B3GALNT2: variants seen among roughly 807,000 people sequenced by gnomAD.
B3GALNT2 encodes UDP-GalNAc:beta-1,3-N-acetylgalactosaminyltransferase 2.
A neutral mutation model predicts 61.1 loss-of-function variants in B3GALNT2; 53 were observed. The ratio of observed to expected loss-of-function variants is 0.87; its 90% CI spans 0.70 to 1.09. B3GALNT2 has a LOEUF of 1.09. B3GALNT2 is among the 50% of genes least tolerant of loss of function. The pLI is 0.00. For missense variants in B3GALNT2, 544 were observed against 623.0 expected (o/e 0.87, Z 1.35); for synonymous variants, 223 against 237.4 (o/e 0.94, Z 0.56).
intron 2 of B3GALNT2, among the ~76,000 whole-genome samples, chr1:235,493,069 G>T (rs1396683374): frequency 6.6e-6 from 1 of 152,136 alleles, no homozygotes; most frequent in African/African-American, 2.4e-5. Context: ...AAATGTAGGG[G>T]GTCAAAGGTA....
At chr1:235,482,176 A>C (rs1007140700) in intron 4 of B3GALNT2, among the ~76,000 whole-genome samples, 1 of 152,338 alleles carries the variant, frequency 6.6e-6, no homozygotes, top group South Asian at 2.1e-4. Context: ...CTGGAATTCA[A>C]ACAAACAGGC....
intron 4 of B3GALNT2, among the ~76,000 whole-genome samples, chr1:235,483,040 G>C (rs1459974646): frequency 1.3e-5 from 2 of 151,990 alleles, no homozygotes; most frequent in African/African-American, 2.4e-5. Context: ...GAACACATAG[G>C]AAATTTTAGA....
At chr1:235,441,861 A>T in the B3GALNT2 span, 1 of 1,614,112 alleles carries the variant, frequency 6.2e-7, no homozygotes, top group Non-Finnish European at 8.5e-7. Flanking sequence ...GCAACCACTT[A>T]TGCTGAAAAA....
rs978907913 is a variant in B3GALNT2 at position 235,480,029 on chromosome 1, A to G, written c.651+25T>C. The G allele has an allele frequency of 4.3e-6, 7 of 1,612,872 alleles. No individual in the cohort carries two copies. The African/African-American group carries it at 8.0e-5, about 18-fold the overall frequency. The stretch of plus-strand genomic sequence containing the variant: ...TCCTATGAAGGACTGCATTGGTACT[A>G]CAGTCTTTTCCTGCCATCCTGTACC... On this transcript the variant is annotated intron_variant, in intron 5 of 11. Coordinates refer to ENST00000366600, the MANE Select transcript of B3GALNT2 (RefSeq NM_152490.5).
chr1:235,449,415 A>G lies in B3GALNT2; in HGVS notation c.*791T>C, dbSNP rs564865337. The G allele has an allele frequency of 2.6e-5, 4 of 153,336 alleles. No homozygotes were observed. The East Asian group carries it at 5.8e-4, about 22-fold the overall frequency. The allele number at this position is 153,336 out of a possible 1,614,324, so 9.5% of individuals were successfully genotyped here. A position where few individuals can be genotyped will look rare whatever the true frequency, so the allele number is the denominator to read the frequency against. Reference sequence around the variant, plus strand: ...CAAAACTAATTCTTTCAAAATGTCAACAAAATTTAGAAATATCCTTCCCGA... The same window carrying G: ...CAAAACTAATTCTTTCAAAATGTCAGCAAAATTTAGAAATATCCTTCCCGA... On this transcript the variant is annotated 3_prime_UTR_variant, in exon 12 of 12. Coordinates refer to ENST00000366600, the MANE Select transcript of B3GALNT2 (RefSeq NM_152490.5).
At chr1:235,485,327 T>A (rs1284889793) in intron 3 of B3GALNT2, among the ~76,000 whole-genome samples, 1 of 152,202 alleles carries the variant, frequency 6.6e-6, no homozygotes, top group East Asian at 1.9e-4. Context: ...TTCTTTTATT[T>A]CTTTTTTTGA....
rs1284453412 is a variant in B3GALNT2 at position 235,448,973 on chromosome 1, T to C, written c.*1233A>G. 1.0e-5 allele frequency: 5 copies of C among 481,274 alleles called. No individual in the cohort carries two copies. Among genetic ancestry groups the C allele is most frequent in the Non-Finnish European group, 1.1e-5 (3 of 263,164 alleles). 29.8% of individuals were successfully genotyped at this position (481,274 alleles called of 1,614,324 possible). A position where few individuals can be genotyped will look rare whatever the true frequency, so the allele number is the denominator to read the frequency against. ...TAAAGGCTTTGAACCTACTAATGAT[T>C]TTCTGATCTTATTTCATATTTATTT... On this transcript the variant is annotated 3_prime_UTR_variant, in exon 12 of 12. Transcript: ENST00000366600.
chr1:235,476,141 C>T (rs957655302), intron 5 of B3GALNT2, among the ~76,000 whole-genome samples: 2 of 152,192 alleles, frequency 1.3e-5, no homozygotes, highest in Non-Finnish European at 2.9e-5. Flanking sequence ...GGCGCAGTGG[C>T]TCATGCCTGT....
At chr1:235,442,678 CTGT>C (rs1449096016), downstream of B3GALNT2, among the ~76,000 whole-genome samples, 2 of 152,126 alleles carry the variant, frequency 1.3e-5, no homozygotes, top group Non-Finnish European at 2.9e-5. Flanking sequence ...CCAGCTATTT[CTGT>C]TGTTGTTAGC....
At chr1:235,453,345 A>G (rs776859501) in intron 10 of B3GALNT2, among the ~76,000 whole-genome samples, 199 bp from the exon 11 acceptor site, 5 of 152,194 alleles carry the variant, frequency 3.3e-5, no homozygotes, top group Admixed American at 6.5e-5. Flanking sequence ...CCACAAGGTA[A>G]TAAGATGAAA....
chr1:235,503,977 C>G (rs1215553116), intron 1 of B3GALNT2, among the ~76,000 whole-genome samples, 164 bp downstream of exon 1: 1 of 152,184 alleles, frequency 6.6e-6, no homozygotes, highest in Non-Finnish European at 1.5e-5. Flanking sequence ...CAAGTTTGCC[C>G]GATGTTAACG....
intron 4 of B3GALNT2, among the ~76,000 whole-genome samples, chr1:235,482,345 A>C (rs1488022488): frequency 6.6e-6 from 1 of 151,980 alleles, no homozygotes; most frequent in Non-Finnish European, 1.5e-5. Flanking sequence ...AATTAAGAGG[A>C]CAGAGTTGGG....
At chr1:235,480,477 G>A (rs1468573526) in intron 4 of B3GALNT2, among the ~76,000 whole-genome samples, 1 of 151,828 alleles carries the variant, frequency 6.6e-6, no homozygotes, top group Non-Finnish European at 1.5e-5. Flanking sequence ...ACACATTATA[G>A]TGTCAACACT....
chr1:235,479,998 G>A (rs976404283), intron 5 of B3GALNT2, 56 bp downstream of exon 5: 30 of 1,600,402 alleles, frequency 1.9e-5, no homozygotes, highest in Non-Finnish European at 2.5e-5. Flanking sequence ...GAAAGCACAC[G>A]CCCACTCCTA....
chr1:235,440,310 T>C, the B3GALNT2 span, among the ~76,000 whole-genome samples: 7 of 151,586 alleles, frequency 4.6e-5, no homozygotes, highest in East Asian at 1.4e-3. Flanking sequence ...CTCTTGCATA[T>C]GTCCACCAGG....
At chr1:235,454,446 C>CTT in intron 9 of B3GALNT2, 131 bp from the exon 10 acceptor site, 1 of 1,019,024 alleles carries the variant, frequency 9.8e-7, no homozygotes, top group Non-Finnish European at 1.4e-6. Flanking sequence ...AAGAAAATTT[C>CTT]TTTTTTTTTG....
Position 235,450,073 on chromosome 1 carries a change from T to C in B3GALNT2, c.*133A>G, listed in dbSNP as rs1682797836. ...ACATTAAGAAACACCGCATTGGTTC[T>C]GGGTGAAAGTGCCAGTCTGGAACTC... On this transcript the variant is annotated 3_prime_UTR_variant, in exon 12 of 12. Transcript: ENST00000366600. 3.7e-6 allele frequency: 4 copies of C among 1,085,638 alleles called. No individual in the cohort carries two copies. The South Asian group carries it at 6.4e-5, about 17-fold the overall frequency. The allele number at this position is 1,085,638 out of a possible 1,614,324, so 67.3% of individuals were successfully genotyped here.
chr1:235,461,505 C>T (rs1283039401), intron 7 of B3GALNT2, among the ~76,000 whole-genome samples: 1 of 117,198 alleles, frequency 8.5e-6, no homozygotes, highest in Non-Finnish European at 1.7e-5. Context: ...AGATGACCTC[C>T]TGTTTTTTTT....
chr1:235,485,189 A>G (rs576675682), intron 3 of B3GALNT2, among the ~76,000 whole-genome samples: 7 of 152,342 alleles, frequency 4.6e-5, no homozygotes, highest in African/African-American at 1.7e-4. Flanking sequence ...CCCAAAATTA[A>G]GCAATTCACC....
Sources: allele counts gnomAD v4.1 joint callset (sites outside exome capture counted in the v4.1 genomes callset), GRCh38; gene constraint gnomAD v4.1.1; transcripts MANE v1.5; gene names NCBI Gene and HGNC (gene_info 2026-07-23, HGNC 2026-07-21).